IRAK3: variants seen among roughly 807,000 people sequenced by gnomAD.
IRAK3 encodes the protein interleukin-1 receptor-associated kinase 3.
In IRAK3, 57 loss-of-function variants were observed where a neutral mutation model predicts 56.6. The observed-to-expected ratio is 1.01, with a 90% CI of 0.81 to 1.26. The LOEUF (loss-of-function observed/expected upper bound fraction) is 1.26, where lower values mean the gene tolerates loss of function less well. IRAK3 is among the 50% of genes most tolerant of loss of function. IRAK3 has a pLI of 0.00. For synonymous variants in IRAK3, 258 were observed against 255.7 expected, an observed-to-expected ratio of 1.01 and a Z score of -0.09; for missense variants, 703 against 719.0, an observed-to-expected ratio of 0.98 and a Z score of 0.25.
chr12:66,218,137 G>A (rs909010718), intron 6 of IRAK3, among the ~76,000 whole-genome samples: 18 of 152,124 alleles, frequency 1.2e-4, no homozygotes, highest in African/African-American at 3.6e-4. Flanking sequence ...TCTTTCCAAA[G>A]TAACAGTATT....
chr12:66,196,110 CA>C (rs1565797867), intron 1 of IRAK3, among the ~76,000 whole-genome samples: 2 of 151,682 alleles, frequency 1.3e-5, no homozygotes, highest in East Asian at 3.9e-4. Context: ...TATATGTAAA[CA>C]TATATATGTT....
At chr12:66,241,016 T>C (rs1272736454) in intron 8 of IRAK3, among the ~76,000 whole-genome samples, 4 of 152,084 alleles carry the variant, frequency 2.6e-5, no homozygotes, top group African/African-American at 4.8e-5. Context: ...AATTAGGAGA[T>C]AAACTGGTGA....
chr12:66,234,170 G>T, intron 8 of IRAK3: 1 of 1,614,136 alleles, frequency 6.2e-7, no homozygotes, highest in Non-Finnish European at 8.5e-7. Flanking sequence ...AGCCGCTGTC[G>T]TCTGCATATG....
chr12:66,217,275 T>G (rs377490801), intron 6 of IRAK3, 40 bp downstream of exon 6: 1 of 1,402,738 alleles, frequency 7.1e-7, no homozygotes, highest in Non-Finnish European at 1.0e-6. Flanking sequence ...TCTTTGTGCC[T>G]GGGTTTCATC....
At chr12:66,207,179 C>A (rs947955375) in intron 2 of IRAK3, among the ~76,000 whole-genome samples, 2 of 152,000 alleles carry the variant, frequency 1.3e-5, no homozygotes, top group African/African-American at 4.8e-5. Context: ...TTTAAAAAAT[C>A]TTCTATTTCG....
At chr12:66,199,536 CT>C (rs2052487314) in intron 1 of IRAK3, among the ~76,000 whole-genome samples, 1 of 152,170 alleles carries the variant, frequency 6.6e-6, no homozygotes, top group South Asian at 2.1e-4. Context: ...GAATTGGCCT[CT>C]CTTTGGAAGT....
intron 1 of IRAK3, among the ~76,000 whole-genome samples, chr12:66,203,340 T>C (rs2052527053): frequency 6.6e-6 from 1 of 152,214 alleles, no homozygotes; most frequent in Non-Finnish European, 1.5e-5. Flanking sequence ...ATCATTTCAC[T>C]GTCCTGAAAG....
chr12:66,208,353 ACACG>A lies in IRAK3; in HGVS notation c.317-1099_317-1096del, dbSNP rs202001726. ...CACACACACACACACAAACACACAC[ACACG>A]CACACACACCACCTCCAATACTTTA... On this transcript the variant is annotated intron_variant, in intron 2 of 11. Coordinates refer to ENST00000261233, the MANE Select transcript of IRAK3 (RefSeq NM_007199.3). Among the ~76,000 whole-genome samples the A allele has an allele frequency of 3.3e-5, 5 of 151,274 alleles. 1 individual carries two copies. Among genetic ancestry groups the A allele is most frequent in the Admixed American group, 2.6e-4 (4 of 15,232 alleles).
At chr12:66,192,859 A>T in intron 1 of IRAK3, among the ~76,000 whole-genome samples, 1 of 152,178 alleles carries the variant, frequency 6.6e-6, no homozygotes, top group Admixed American at 6.5e-5. Context: ...AGGTGAACTG[A>T]TTCTCAGAGA....
Position 66,197,679 on chromosome 12 carries a change from T to C in IRAK3, c.134-6032T>C, listed in dbSNP as rs901270285. On this transcript the variant is annotated intron_variant, in intron 1 of 11. Coordinates refer to ENST00000261233, the MANE Select transcript of IRAK3 (RefSeq NM_007199.3). The stretch of plus-strand genomic sequence containing the variant: ...ACTTCTGCTATTAGAAAAAATGCCT[T>C]TGTCTAATCTAGCTTTCCTTAGATG... 5.1e-6 allele frequency: 5 copies of C among 985,304 alleles called. No individual in the cohort carries two copies. The African/African-American group carries it at 7.0e-5, about 14-fold the overall frequency. The allele number at this position is 985,304 out of a possible 1,614,324, so 61.0% of individuals were successfully genotyped here.
intron 2 of IRAK3, among the ~76,000 whole-genome samples, chr12:66,207,297 C>T (rs796464251): frequency 6.6e-6 from 1 of 151,982 alleles, no homozygotes; most frequent in African/African-American, 2.4e-5. Flanking sequence ...ACGGTGAAAC[C>T]CTATCTCTAC....
chr12:66,243,464 A>C (rs2052993210), intron 8 of IRAK3, among the ~76,000 whole-genome samples: 2 of 152,358 alleles, frequency 1.3e-5, no homozygotes, highest in Non-Finnish European at 2.9e-5. Flanking sequence ...GGTTTCAGGA[A>C]ATAAAGAGCA....
At chr12:66,238,334 G>A (rs1429660175) in intron 8 of IRAK3, among the ~76,000 whole-genome samples, 3 of 152,206 alleles carry the variant, frequency 2.0e-5, no homozygotes, top group Non-Finnish European at 4.4e-5. Context: ...TAACTTGTTA[G>A]CAATCCTCCC....
rs58608587 is a variant in IRAK3, at chr12:66,234,203, C to T, written c.887+5833C>T. ...ATGTTCATACTGTGGCAAGTAGGCT[C>T]CTTGCATAGCTGACGTTGCAGGCAT... On this transcript the variant is annotated intron_variant, in intron 8 of 11. Coordinates refer to ENST00000261233, the MANE Select transcript of IRAK3 (RefSeq NM_007199.3). 535 of 1,614,040 alleles carry T rather than the reference C, an allele frequency of 3.3e-4. 2 individuals carry two copies. In the African/African-American group the frequency reaches 6.0e-3, roughly 18 times the overall value.
At chr12:66,221,873 A>G (rs539690515) in intron 6 of IRAK3, among the ~76,000 whole-genome samples, 3 of 152,310 alleles carry the variant, frequency 2.0e-5, no homozygotes, top group Admixed American at 6.5e-5. Flanking sequence ...TACTAAAAAT[A>G]TAAAAATTAG....
chr12:66,205,535 T>C (rs955341423), intron 2 of IRAK3, among the ~76,000 whole-genome samples: 2 of 152,230 alleles, frequency 1.3e-5, no homozygotes, highest in East Asian at 3.8e-4. Flanking sequence ...GATGTGATGA[T>C]TTGTTGGAAG....
chr12:66,233,671 A>G (rs1478127335), intron 8 of IRAK3, among the ~76,000 whole-genome samples: 3 of 151,850 alleles, frequency 2.0e-5, no homozygotes, highest in South Asian at 2.1e-4. Flanking sequence ...AAAAAAAAAC[A>G]CAGATTAAAC....
intron 9 of IRAK3, 108 bp from the exon 10 acceptor site, chr12:66,244,840 A>G: frequency 9.3e-7 from 1 of 1,076,184 alleles, no homozygotes; most frequent in Non-Finnish European, 1.4e-6. Flanking sequence ...AATAAAATAT[A>G]AAATCATTAA....
intron 4 of IRAK3, among the ~76,000 whole-genome samples, chr12:66,210,416 A>G (rs916338101): frequency 1.4e-5 from 2 of 142,504 alleles, no homozygotes; most frequent in Admixed American, 7.6e-5. Context: ...GCTAATGAAG[A>G]ATGCAATTGT....
Sources: allele counts gnomAD v4.1 joint callset (sites outside exome capture counted in the v4.1 genomes callset), GRCh38; gene constraint gnomAD v4.1.1; transcripts MANE v1.5; gene names NCBI Gene and HGNC (gene_info 2026-07-23, HGNC 2026-07-21).